Variants in KCNQ3 observed in about 807,000 individuals in gnomAD.
KCNQ3 encodes the protein potassium voltage-gated channel subfamily Q member 3.
KCNQ3 carries 30 observed loss-of-function variants against 92.5 expected under a neutral mutation model. The ratio of observed to expected loss-of-function variants is 0.32; its 90% CI spans 0.24 to 0.44. The LOEUF (loss-of-function observed/expected upper bound fraction) is 0.44, where lower values mean the gene tolerates loss of function less well. Among genes scored for constraint, KCNQ3 ranks in the 20% least tolerant of loss-of-function variants. The pLI is 1.00. For synonymous variants in KCNQ3, 450 were observed against 468.8 expected, an observed-to-expected ratio of 0.96 and a Z score of 0.52; for missense variants, 913 against 1,140.3, an observed-to-expected ratio of 0.80 and a Z score of 2.87.
At chr8:132,388,903 G>A (rs1278721437) in intron 1 of KCNQ3, among the ~76,000 whole-genome samples, 1 of 152,148 alleles carries the variant, frequency 6.6e-6, no homozygotes, top group East Asian at 1.9e-4. Context: ...ATGATTTGGA[G>A]TATAGTGGGA....
At chr8:132,276,290 C>A (rs1375640983) in intron 1 of KCNQ3, among the ~76,000 whole-genome samples, 2 of 152,144 alleles carry the variant, frequency 1.3e-5, no homozygotes, top group Non-Finnish European at 2.9e-5. Flanking sequence ...GAGGTGGACA[C>A]CCTTTGTGGG....
intron 9 of KCNQ3, among the ~76,000 whole-genome samples, chr8:132,155,478 A>G (rs1825773561): frequency 6.6e-6 from 1 of 152,164 alleles, no homozygotes; most frequent in African/African-American, 2.4e-5. Context: ...CAAACCTTTA[A>G]ATAATACTTA....
intron 1 of KCNQ3, among the ~76,000 whole-genome samples, chr8:132,418,339 G>T (rs566546629): frequency 6.6e-6 from 1 of 152,124 alleles, no homozygotes; most frequent in East Asian, 1.9e-4. Context: ...TTAATGAGGC[G>T]TGCTCACGGA....
chr8:132,328,619 CTA>C (rs1384794879), intron 1 of KCNQ3, among the ~76,000 whole-genome samples: 1 of 152,194 alleles, frequency 6.6e-6, no homozygotes, highest in Non-Finnish European at 1.5e-5. Context: ...GTGGTGACAA[CTA>C]GAGAGTTAAT....
At chr8:132,383,391 C>T (rs1344645398) in intron 1 of KCNQ3, among the ~76,000 whole-genome samples, 1 of 152,206 alleles carries the variant, frequency 6.6e-6, no homozygotes, top group African/African-American at 2.4e-5. Context: ...GGTAGAGGCA[C>T]TGCCAGCCTG....
intron 3 of KCNQ3, among the ~76,000 whole-genome samples, chr8:132,180,962 C>T (rs995222766): frequency 2.6e-5 from 4 of 152,116 alleles, no homozygotes; most frequent in Non-Finnish European, 5.9e-5. Flanking sequence ...TTCTTGCCTC[C>T]TGCTGGTTGA....
chr8:132,338,912 G>C (rs1363572193), intron 1 of KCNQ3, among the ~76,000 whole-genome samples: 1 of 152,206 alleles, frequency 6.6e-6, no homozygotes, highest in Non-Finnish European at 1.5e-5. Context: ...ACGTGGGTCA[G>C]GGGGAGAGGG....
At chr8:132,258,093 T>C (rs1429643139) in intron 1 of KCNQ3, among the ~76,000 whole-genome samples, 2 of 152,044 alleles carry the variant, frequency 1.3e-5, no homozygotes, top group Non-Finnish European at 2.9e-5. Context: ...TATTTAATAA[T>C]GAATAGAATT....
At position 132,130,074 on chromosome 8, in the gene KCNQ3, CTTTTTTTTTGTT is replaced by C. The variant is rs1228887424; in HGVS notation, c.1885-90_1885-79del. The C allele has an allele frequency of 1.7e-5, 18 of 1,040,390 alleles. No homozygotes were observed. The African/African-American group carries it at 2.7e-4, about 16-fold the overall frequency. The allele number at this position is 1,040,390 out of a possible 1,614,324, so 64.4% of individuals were successfully genotyped here. A position where few individuals can be genotyped will look rare whatever the true frequency, so the allele number is the denominator to read the frequency against. Reference sequence around the variant, plus strand: ...TTGCTATTGGTTGGGAGGAAATATTCTTTTTTTTTGTTTTTTTTTTTTTTTTGAGACGAAGTC... The same window carrying C: ...TTGCTATTGGTTGGGAGGAAATATTCTTTTTTTTTTTTTTGAGACGAAGTC... On this transcript the variant is annotated intron_variant, in intron 14 of 14. Transcript: ENST00000388996.
chr8:132,369,651 A>G (rs1187638078), intron 1 of KCNQ3, among the ~76,000 whole-genome samples: 1 of 152,110 alleles, frequency 6.6e-6, no homozygotes, highest in Non-Finnish European at 1.5e-5. Flanking sequence ...CAACAGAAAT[A>G]GTTCCCAATG....
At chr8:132,133,631 G>C (rs1824961143) in intron 13 of KCNQ3, among the ~76,000 whole-genome samples, 1 of 152,176 alleles carries the variant, frequency 6.6e-6, no homozygotes, top group Non-Finnish European at 1.5e-5. Flanking sequence ...TGGGATTACA[G>C]GCGTAAGCCA....
intron 12 of KCNQ3, among the ~76,000 whole-genome samples, chr8:132,135,076 C>T (rs1825038381): frequency 6.6e-6 from 1 of 152,162 alleles, no homozygotes; most frequent in Non-Finnish European, 1.5e-5. Flanking sequence ...CTGCTACTCT[C>T]CCTCCTACCA....
intron 13 of KCNQ3, 38 bp downstream of exon 13, chr8:132,134,252 G>T: frequency 6.6e-7 from 1 of 1,509,136 alleles, no homozygotes; most frequent in East Asian, 2.3e-5. Context: ...TACAAACTTT[G>T]CACCCCTGGC....
chr8:132,255,863 AC>A (rs1363507445), intron 1 of KCNQ3, among the ~76,000 whole-genome samples: 6 of 152,136 alleles, frequency 3.9e-5, no homozygotes, highest in Non-Finnish European at 5.9e-5. Flanking sequence ...TAAACAACGA[AC>A]CCTGGGGGAT....
At chr8:132,274,253 C>A (rs1816253856) in intron 1 of KCNQ3, among the ~76,000 whole-genome samples, 1 of 152,152 alleles carries the variant, frequency 6.6e-6, no homozygotes, top group Non-Finnish European at 1.5e-5. Context: ...GAAGTCACAT[C>A]TTACATGGAT....
intron 1 of KCNQ3, among the ~76,000 whole-genome samples, chr8:132,352,847 AGAG>A (rs1168395862): frequency 3.3e-5 from 5 of 152,080 alleles, no homozygotes; most frequent in Non-Finnish European, 7.4e-5. Context: ...TGTGGGGAAA[AGAG>A]GTTGGTGCTC....
Position 132,233,017 on chromosome 8 carries a change from C to G in KCNQ3, c.387-46836G>C, listed in dbSNP as rs542249229. Among the ~76,000 whole-genome samples the G allele has an allele frequency of 3.7e-3, 568 of 152,278 alleles. 2 individuals are homozygous for G. Among genetic ancestry groups the G allele is most frequent in the Non-Finnish European group, 6.2e-3 (421 of 68,022 alleles). ...TCTCTGGCATTGCTAAGCTGCTGAA[C>G]AAATATCAGCAGCTGCCTGCTTCAA... On this transcript the variant is annotated intron_variant, in intron 1 of 14. Coordinates refer to ENST00000388996, the MANE Select transcript of KCNQ3 (RefSeq NM_004519.4).
At chr8:132,268,680 T>A (rs1339440901) in intron 1 of KCNQ3, among the ~76,000 whole-genome samples, 1 of 152,276 alleles carries the variant, frequency 6.6e-6, no homozygotes, top group African/African-American at 2.4e-5. Flanking sequence ...TAAATAAAGC[T>A]GCTATAAACA....
intron 1 of KCNQ3, among the ~76,000 whole-genome samples, chr8:132,317,503 A>T (rs1482469548): frequency 6.6e-6 from 1 of 152,220 alleles, no homozygotes; most frequent in African/African-American, 2.4e-5. Context: ...TGACTTAAAC[A>T]TATTTAAGAT....
Sources: allele counts gnomAD v4.1 joint callset (sites outside exome capture counted in the v4.1 genomes callset), GRCh38; gene constraint gnomAD v4.1.1; transcripts MANE v1.5; gene names NCBI Gene and HGNC (gene_info 2026-07-23, HGNC 2026-07-21).